Variants in NEBL observed in about 807,000 individuals in gnomAD.
The protein encoded by NEBL is nebulette.
Under a neutral mutation model 140.2 loss-of-function variants are expected in NEBL, and 122 were observed. The ratio of observed to expected loss-of-function variants is 0.87; its 90% CI spans 0.75 to 1.01. The LOEUF (loss-of-function observed/expected upper bound fraction) is 1.01, where lower values mean the gene tolerates loss of function less well. NEBL is among the 50% of genes least tolerant of loss of function. The pLI is 0.00. For missense variants in NEBL, 1,365 were observed against 1,231.3 expected, an observed-to-expected ratio of 1.11 and a Z score of -1.62; for synonymous variants, 436 against 398.9, an observed-to-expected ratio of 1.09 and a Z score of -1.11.
intron 3 of NEBL, among the ~76,000 whole-genome samples, chr10:20,997,342 C>T (rs979100482): frequency 6.6e-6 from 1 of 151,934 alleles, no homozygotes; most frequent in African/African-American, 2.4e-5. Flanking sequence ...GCATCAGTGG[C>T]ATTAGACTTC....
intron 4 of NEBL, among the ~76,000 whole-genome samples, chr10:20,903,485 T>A (rs74991364): frequency 0.11 from 16,180 of 152,146 alleles, 1,003 homozygotes; most frequent in Admixed American, 0.16. Flanking sequence ...AAAGTAGAGC[T>A]ACCATAGGAT....
chr10:21,087,800 A>G (rs572490202), intron 2 of NEBL, among the ~76,000 whole-genome samples: 7 of 152,330 alleles, frequency 4.6e-5, no homozygotes, highest in African/African-American at 1.7e-4. Flanking sequence ...AGTGCCTTAG[A>G]TATGATTTAC....
In NEBL at chr10:21,267,023, G is replaced by A. The variant is rs190132034; in HGVS notation, n.183-15195C>T. ...GGAGTCTCACTCTGTCACTCAGACT[G>A]GAGTGCAACGGCGCGATCTCGGCTC... On this transcript the variant is annotated intron_variant and non_coding_transcript_variant, in intron 1 of 8. Transcript: ENST00000675702. Among the ~76,000 whole-genome samples the A allele has an allele frequency of 2.0e-5, 3 of 152,014 alleles. No homozygotes were observed. The East Asian group carries it at 5.8e-4, about 29-fold the overall frequency.
chr10:20,815,955 A>ACGGGGT, intron 21 of NEBL: 2 of 468,216 alleles, frequency 4.3e-6, no homozygotes, highest in African/African-American at 2.0e-5. Flanking sequence ...TTTTGTAGAG[A>ACGGGGT]TTGAGTTTTG....
chr10:20,808,268 C>G (rs1256695700), intron 26 of NEBL, among the ~76,000 whole-genome samples: 1 of 150,916 alleles, frequency 6.6e-6, no homozygotes, highest in Admixed American at 6.6e-5. Context: ...TTTGTCATTA[C>G]AAATCCATTG....
At chr10:20,853,822 T>C (rs963991298) in intron 9 of NEBL, among the ~76,000 whole-genome samples, 1 of 152,114 alleles carries the variant, frequency 6.6e-6, no homozygotes, top group Non-Finnish European at 1.5e-5. Flanking sequence ...TAGTATTCAA[T>C]GCCACAATAG....
At chr10:21,191,440 C>T (rs73609227) in intron 3 of NEBL, among the ~76,000 whole-genome samples, 179 of 152,312 alleles carry the variant, frequency 1.2e-3, no homozygotes, top group African/African-American at 3.7e-3. Context: ...TTCTCACCCA[C>T]CGTTCGATAT....
At chr10:21,081,344 A>G (rs1836359552) in intron 2 of NEBL, among the ~76,000 whole-genome samples, 1 of 152,192 alleles carries the variant, frequency 6.6e-6, no homozygotes, top group African/African-American at 2.4e-5. Flanking sequence ...GAAGCAGGGG[A>G]AAGGCAGTCA....
rs368873365 is a variant in NEBL at position 20,833,591 on chromosome 10, A to G, written c.1449+1922T>C. Among the ~76,000 whole-genome samples the G allele has an allele frequency of 3.9e-5, 6 of 152,078 alleles. No individual in the cohort carries two copies. In the East Asian group the frequency reaches 1.2e-3, roughly 29 times the overall value. On this transcript the variant is annotated intron_variant, in intron 14 of 27. Coordinates refer to ENST00000377122, the MANE Select transcript of NEBL (RefSeq NM_006393.3). ...ACACTGGATGTGACTGGAAACCATT[A>G]AAGAATTGCATGTGAGGAGAGTAAC... is the stretch of plus-strand genomic sequence containing the variant.
At chr10:21,291,254 C>G (rs1240646229) in intron 1 of NEBL, among the ~76,000 whole-genome samples, 1 of 151,902 alleles carries the variant, frequency 6.6e-6, no homozygotes, top group Non-Finnish European at 1.5e-5. Flanking sequence ...ACCTATAATC[C>G]CATCACTTTA....
At chr10:21,037,624 T>G (rs1173636999) in intron 2 of NEBL, among the ~76,000 whole-genome samples, 2 of 152,154 alleles carry the variant, frequency 1.3e-5, no homozygotes, top group Non-Finnish European at 2.9e-5. Flanking sequence ...GTGGCAGTGG[T>G]TACTCAACTA....
At chr10:20,793,576 C>A (rs1167941914) in intron 26 of NEBL, among the ~76,000 whole-genome samples, 3 of 148,694 alleles carry the variant, frequency 2.0e-5, no homozygotes, top group African/African-American at 7.5e-5. Flanking sequence ...TTTTTTAACA[C>A]AGGATCTGGC....
At chr10:21,216,079 C>T (rs960588886) in intron 3 of NEBL, among the ~76,000 whole-genome samples, 6 of 152,114 alleles carry the variant, frequency 3.9e-5, no homozygotes, top group African/African-American at 1.2e-4. Context: ...GATTCTAGGC[C>T]GTCATTCATA....
chr10:21,217,084 A>T (rs906596593), intron 3 of NEBL, among the ~76,000 whole-genome samples: 1 of 152,176 alleles, frequency 6.6e-6, no homozygotes, highest in Non-Finnish European at 1.5e-5. Context: ...AGGGGACCTG[A>T]TGTGAGTGTC....
intron 2 of NEBL, among the ~76,000 whole-genome samples, chr10:21,072,250 G>GC (rs1440399049): frequency 6.6e-6 from 1 of 152,012 alleles, no homozygotes; most frequent in Non-Finnish European, 1.5e-5. Context: ...TCTCCTCATA[G>GC]CCCTCCCTTC....
At chr10:21,097,190 C>T (rs1037516731) in intron 2 of NEBL, among the ~76,000 whole-genome samples, 10 of 134,180 alleles carry the variant, frequency 7.5e-5, no homozygotes, top group African/African-American at 1.1e-4. Context: ...CGGTGGCTCA[C>T]GCCTGTAATC....
chr10:20,987,551 A>G (rs561824416), intron 3 of NEBL, among the ~76,000 whole-genome samples: 4 of 152,214 alleles, frequency 2.6e-5, no homozygotes, highest in African/African-American at 9.6e-5. Flanking sequence ...TCCTCCACTC[A>G]GCTCTGCCTC....
At chr10:21,037,772 C>T (rs919825531) in intron 2 of NEBL, among the ~76,000 whole-genome samples, 1 of 151,916 alleles carries the variant, frequency 6.6e-6, no homozygotes, top group Admixed American at 6.6e-5. Context: ...ATGGAATGAA[C>T]ATTCAAGATA....
intron 2 of NEBL, among the ~76,000 whole-genome samples, chr10:21,095,499 C>T (rs1837145007): frequency 6.6e-6 from 1 of 152,168 alleles, no homozygotes; most frequent in South Asian, 2.1e-4. Context: ...ATAACTGTAC[C>T]TTTTAAAACC....
Sources: allele counts gnomAD v4.1 joint callset (sites outside exome capture counted in the v4.1 genomes callset), GRCh38; gene constraint gnomAD v4.1.1; transcripts MANE v1.5; gene names NCBI Gene and HGNC (gene_info 2026-07-23, HGNC 2026-07-21).